Variants in NOC3L observed in about 807,000 individuals in gnomAD.
The protein encoded by NOC3L is NOC3 like DNA replication regulator, also known as nucleolar complex protein 3 homolog.
Under a neutral mutation model 102.5 loss-of-function variants are expected in NOC3L, and 85 were observed. That is an observed-to-expected ratio of 0.83 (90% CI 0.70 to 0.99). The LOEUF (loss-of-function observed/expected upper bound fraction) is 0.99. Ranked by LOEUF, NOC3L falls within the 50% of genes least tolerant of loss-of-function variation. The pLI is 0.00. For synonymous variants in NOC3L, 303 were observed against 309.4 expected, an observed-to-expected ratio of 0.98 and a Z score of 0.22; for missense variants, 878 against 914.9, an observed-to-expected ratio of 0.96 and a Z score of 0.52.
chr10:94,358,476 A>G (rs777865610), intron 2 of NOC3L, among the ~76,000 whole-genome samples: 6 of 152,214 alleles, frequency 3.9e-5, no homozygotes, highest in Non-Finnish European at 7.3e-5. Context: ...GAAAAATGCT[A>G]GCATCTCTGA....
At chr10:94,341,768 A>G in intron 13 of NOC3L, 23 bp from the exon 14 acceptor site, 1 of 1,384,144 alleles carries the variant, frequency 7.2e-7, no homozygotes, top group Admixed American at 2.2e-5. Context: ...AAAACAGTTA[A>G]TCAGTGAACT....
chr10:94,340,513 GGGGGGTGA>G lies in NOC3L; in HGVS notation c.1645-25_1645-18del. ...GCTTAGGTCCTTTAAAAAAAAAAGG[GGGGGGTGA>G]GGGGGATGGAATATTAAGAATGGTA... On this transcript the variant is annotated intron_variant, in intron 14 of 20. Transcript: ENST00000371361. 1 of 1,313,446 alleles carries G rather than the reference GGGGGGTGA, an allele frequency of 7.6e-7. No homozygotes were observed. The highest frequency in any genetic ancestry group is 1.1e-6 in the Non-Finnish European group (1 of 947,670). The allele number at this position is 1,313,446 out of a possible 1,614,324, so 81.4% of individuals were successfully genotyped here. A position where few individuals can be genotyped will look rare whatever the true frequency, so the allele number is the denominator to read the frequency against.
chr10:94,325,154 TTTGTAAGGAAGGCATAATTA>T, the NOC3L span: 7 of 1,292,412 alleles, frequency 5.4e-6, no homozygotes, highest in South Asian at 8.3e-5. Context: ...CTTAAACTAC[TTTGTAAGGAAGGCATAATTA>T]GTACAATGTC....
chr10:94,350,097 A>C lies in NOC3L; in HGVS notation c.1128+16T>G. Reference sequence around the variant, plus strand: ...TTTTCTAAGGAGGACAGCAATAACCATTTACAGCAACTCACCAATTTTGAC... The same window carrying C: ...TTTTCTAAGGAGGACAGCAATAACCCTTTACAGCAACTCACCAATTTTGAC... On this transcript the variant is annotated intron_variant, in intron 9 of 20. Transcript: ENST00000371361. The C allele has an allele frequency of 6.2e-7, 1 of 1,613,188 alleles. No individual in the cohort carries two copies. The highest frequency in any genetic ancestry group is 8.5e-7 in the Non-Finnish European group (1 of 1,179,372).
At chr10:94,321,856 T>G in the NOC3L span, 1 of 1,460,126 alleles carries the variant, frequency 6.8e-7, no homozygotes, top group Non-Finnish European at 9.6e-7. Context: ...TTCTTTATTC[T>G]GCATAAACCT....
At chr10:94,358,384 C>T (rs556151753) in intron 2 of NOC3L, among the ~76,000 whole-genome samples, 169 bp from the exon 3 acceptor site, 1 of 152,318 alleles carries the variant, frequency 6.6e-6, no homozygotes, top group African/African-American at 2.4e-5. Context: ...TGGCTCACAG[C>T]TGAGCCCAGT....
downstream of NOC3L, chr10:94,332,329 C>T (rs1022124982): frequency 1.3e-5 from 2 of 152,068 alleles, no homozygotes; most frequent in Non-Finnish European, 2.9e-5. Context: ...TTTTCAAAAG[C>T]GTTATGTGGA....
intron 10 of NOC3L, 26 bp downstream of exon 10, chr10:94,349,224 T>C (rs1038454546): frequency 5.1e-6 from 8 of 1,562,758 alleles, no homozygotes; most frequent in African/African-American, 2.8e-5. Context: ...AAAAACAAAA[T>C]GCAAAGTAAA....
the NOC3L span, among the ~76,000 whole-genome samples, chr10:94,326,196 C>T: frequency 2.0e-5 from 3 of 152,182 alleles, no homozygotes; most frequent in Non-Finnish European, 4.4e-5. Context: ...GAAAGCATTG[C>T]TGTTTATGTG....
intron 19 of NOC3L, among the ~76,000 whole-genome samples, chr10:94,336,708 G>C (rs941139598): frequency 6.6e-6 from 1 of 151,834 alleles, no homozygotes; most frequent in African/African-American, 2.4e-5. Flanking sequence ...AATGGACTGA[G>C]GGATTTTTTA....
intron 3 of NOC3L, 74 bp from the exon 4 acceptor site, chr10:94,357,405 A>G (rs537972498): frequency 7.5e-7 from 1 of 1,332,850 alleles, no homozygotes; most frequent in Non-Finnish European, 9.8e-7. Context: ...TCATTTCAAA[A>G]GTACAGAAAA....
intron 1 of NOC3L, 141 bp downstream of exon 1, chr10:94,362,689 G>T: frequency 1.2e-6 from 1 of 844,572 alleles, no homozygotes; most frequent in Non-Finnish European, 2.0e-6. Flanking sequence ...GATGAGCTCG[G>T]TGTAAGGAAT....
chr10:94,325,207 A>C, the NOC3L span: 1 of 866,236 alleles, frequency 1.2e-6, no homozygotes, highest in Non-Finnish European at 1.9e-6. Context: ...CAACAGGAGG[A>C]TGTCCCTTGA....
chr10:94,340,038 A>G (rs2054264370), intron 16 of NOC3L, 118 bp from the exon 17 acceptor site: 2 of 885,846 alleles, frequency 2.3e-6, no homozygotes, highest in Non-Finnish European at 3.5e-6. Context: ...CATTTCTCTA[A>G]TCAATGAGGT....
chr10:94,341,609 T>A (rs2054286157), intron 14 of NOC3L, 64 bp downstream of exon 14: 1 of 855,098 alleles, frequency 1.2e-6, no homozygotes, highest in Non-Finnish European at 1.7e-6. Flanking sequence ...TCAATAAACC[T>A]GAAAAATTTT....
intron 13 of NOC3L, 84 bp downstream of exon 13, chr10:94,344,331 G>A (rs2054319177): frequency 2.6e-6 from 2 of 757,964 alleles, no homozygotes; most frequent in Admixed American, 2.2e-5. Context: ...AGGATAATGG[G>A]CCATCATTAG....
At chr10:94,315,702 G>T in the NOC3L span, among the ~76,000 whole-genome samples, 355 of 151,336 alleles carry the variant, frequency 2.3e-3, 3 homozygotes, top group African/African-American at 8.3e-3. Flanking sequence ...CTGGGAAGGC[G>T]GAGGTTGCAG....
chr10:94,361,527 T>C (rs1283069688), intron 2 of NOC3L, 138 bp downstream of exon 2: 2 of 728,472 alleles, frequency 2.7e-6, no homozygotes, highest in Admixed American at 2.4e-5. Flanking sequence ...ATAGCAGTCC[T>C]ATAGGACTAC....
chr10:94,353,245 G>A (rs1260964299), intron 6 of NOC3L, among the ~76,000 whole-genome samples, 188 bp from the exon 7 acceptor site: 1 of 152,180 alleles, frequency 6.6e-6, no homozygotes, highest in Non-Finnish European at 1.5e-5. Context: ...TAAAGTAATT[G>A]TATTAGTCCG....
Sources: gnomAD v4.1 joint callset for allele counts (sites outside exome capture counted in the v4.1 genomes callset) on GRCh38, gnomAD v4.1.1 for gene constraint, MANE v1.5 for transcripts, NCBI Gene and HGNC (gene_info 2026-07-23, HGNC 2026-07-21) for gene names.